Variants in CWF19L2 observed in about 807,000 individuals in gnomAD.
The protein encoded by CWF19L2 is CWF19 like cell cycle control factor 2.
A neutral mutation model predicts 111.7 loss-of-function variants in CWF19L2; 98 were observed. The observed-to-expected ratio is 0.88, with a 90% confidence interval of 0.75 to 1.04. CWF19L2 has a LOEUF of 1.04. Among genes scored for constraint, CWF19L2 ranks in the 50% least tolerant of loss-of-function variants. CWF19L2 has a pLI of 0.00. For synonymous variants in CWF19L2, 351 were observed against 342.9 expected, an observed-to-expected ratio of 1.02 and a Z score of -0.26; for missense variants, 1,101 against 1,051.4, an observed-to-expected ratio of 1.05 and a Z score of -0.65.
rs535642963 is a variant in CWF19L2 at position 107,387,176 on chromosome 11, CA to C, written c.1872+2897del. 1.5e-3 allele frequency among the ~76,000 whole-genome samples: 235 copies of C among 152,202 alleles called. 1 individual carries two copies. The highest frequency in any genetic ancestry group is 5.2e-3 in the African/African-American group (215 of 41,528). ...CATTTCATACTTCACACATCCATAA[CA>C]GTATTCTTGATTTCCCACTCCCCCA... On this transcript the variant is annotated intron_variant, in intron 12 of 17. Coordinates refer to ENST00000282251, the MANE Select transcript of CWF19L2 (RefSeq NM_152434.3).
Position 107,336,713 on chromosome 11 carries a change from T to C in CWF19L2, c.2203A>G (p.Met735Val), listed in dbSNP as rs1415134825. Residue 735 changes from methionine to valine, a missense_variant and splice_region_variant, in exon 15 of 18, where the codon ATG becomes GTG. By Grantham distance (21) the Met-to-Val change is conservative. Coordinates refer to ENST00000282251, the MANE Select transcript of CWF19L2 (RefSeq NM_152434.3). ...LDEDIWEEIQ[M>V]FRKSLVKMFE... The stretch of plus-strand genomic sequence containing the variant: ...ATCTTTACCAATGATTTTCTGAACA[T>C]CTAAAAAAAAAAAAGAACTAGGTAA... 4 of 1,389,712 alleles carry C rather than the reference T, an allele frequency of 2.9e-6. No homozygotes were observed. Among genetic ancestry groups the C allele is most frequent in the Admixed American group, 6.3e-5 (2 of 31,992 alleles). 86.1% of individuals were successfully genotyped at this position (1,389,712 alleles called of 1,614,324 possible). A position where few individuals can be genotyped will look rare whatever the true frequency, so the allele number is the denominator to read the frequency against.
intron 12 of CWF19L2, among the ~76,000 whole-genome samples, chr11:107,369,279 A>G (rs144006199): frequency 1.5e-5 from 2 of 137,850 alleles, no homozygotes; most frequent in East Asian, 4.2e-4. Flanking sequence ...TGCTTTTATT[A>G]TATTTCTTTT....
intron 12 of CWF19L2, among the ~76,000 whole-genome samples, chr11:107,356,630 C>G (rs670949): frequency 0.37 from 55,497 of 151,978 alleles, 11,820 homozygotes; most frequent in African/African-American, 0.58. Context: ...TAAAAAATAT[C>G]AGAACTGGTC....
At chr11:107,425,907 G>A (rs1353448345) in intron 8 of CWF19L2, among the ~76,000 whole-genome samples, 2 of 151,582 alleles carry the variant, frequency 1.3e-5, no homozygotes, top group African/African-American at 4.8e-5. Context: ...TTAAATTCCT[G>A]GAAATACTTA....
chr11:107,327,041 C>A lies in CWF19L2; in HGVS notation c.2554G>T (p.Gly852Trp). ...AGTCTTGGTTCTATATCCAGCATCC[C>A]ACCTATGATTTCCTTTTAAAGAAAG... is the stretch of plus-strand genomic sequence containing the variant. ...PHYFGKEIIG[G>W]MLDIEPRLWR... is the part of the protein sequence containing the mutation. Residue 852 changes from glycine (G) to tryptophan (W), a missense_variant, in exon 18 of 18, where the codon GGG becomes TGG. Transcript: ENST00000282251. 3.8e-6 allele frequency: 6 copies of A among 1,595,940 alleles called. No homozygotes were observed. The highest frequency in any genetic ancestry group is 5.1e-6 in the Non-Finnish European group (6 of 1,174,146).
intron 3 of CWF19L2, among the ~76,000 whole-genome samples, chr11:107,446,971 T>G (rs1261121107): frequency 6.6e-6 from 1 of 152,150 alleles, no homozygotes; most frequent in African/African-American, 2.4e-5. Context: ...CCTTCTCTTG[T>G]GCAGCCTGCA....
intron 12 of CWF19L2, among the ~76,000 whole-genome samples, chr11:107,387,898 C>G (rs1184322592): frequency 6.6e-6 from 1 of 152,182 alleles, no homozygotes; most frequent in Non-Finnish European, 1.5e-5. Flanking sequence ...TATGGGCCCC[C>G]TGCCTTACGT....
chr11:107,407,527 C>T (rs1376127836), intron 10 of CWF19L2, among the ~76,000 whole-genome samples: 1 of 151,846 alleles, frequency 6.6e-6, no homozygotes, highest in Non-Finnish European at 1.5e-5. Context: ...TTTCATTTTT[C>T]CCTTAAATTT....
chr11:107,414,771 C>A (rs1013029540), intron 10 of CWF19L2, among the ~76,000 whole-genome samples: 3 of 152,044 alleles, frequency 2.0e-5, no homozygotes, highest in Non-Finnish European at 4.4e-5. Flanking sequence ...CCACCCCCCA[C>A]CTAAACCACC....
At chr11:107,440,406 A>G (rs1247156533) in intron 5 of CWF19L2, among the ~76,000 whole-genome samples, 2 of 152,204 alleles carry the variant, frequency 1.3e-5, no homozygotes, top group African/African-American at 4.8e-5. Context: ...AAAGGACAAA[A>G]TTTAAGTTAA....
At position 107,442,948 on chromosome 11, in the gene CWF19L2, T is replaced by G. The variant is rs186972509; in HGVS notation, c.441A>C (p.Gln147His). 3.9e-6 allele frequency: 6 copies of G among 1,545,396 alleles called. No individual in the cohort carries two copies. Among genetic ancestry groups the G allele is most frequent in the Middle Eastern group, 1.7e-4 (1 of 5,988 alleles). The change falls in exon 4 of 18, where the codon CAA (glutamine) becomes CAC (histidine). Residue 147 changes from glutamine (Q) to histidine (H), a missense_variant. Physicochemically the swap from Gln to His is conservative, Grantham distance 24. Coordinates refer to ENST00000282251, the MANE Select transcript of CWF19L2 (RefSeq NM_152434.3). Reference protein sequence around the residue: ...KDEKSGKDDTQIIKRDEWMTV... With the variant: ...KDEKSGKDDTHIIKRDEWMTV... The stretch of plus-strand genomic sequence containing the variant: ...CAAGTGGCTTGCTTACCTTGATAAT[T>G]TGGGTGTCATCTTTTCCTGACTTTT...
At chr11:107,335,024 A>G (rs1859902288) in intron 15 of CWF19L2, 63 bp from the exon 16 acceptor site, 1 of 965,064 alleles carries the variant, frequency 1.0e-6, no homozygotes, top group South Asian at 1.4e-5. Context: ...GAAACAGCTT[A>G]TAACAAGTAA....
Position 107,440,107 on chromosome 11 carries a change from G to A in CWF19L2, c.571-924C>T, listed in dbSNP as rs576578372. Reference sequence around the variant, plus strand: ...TAAATAAATTATGGTCTAGAGAAGGGGGAAAGACAATCAAGCAATATAAAT... The same window carrying A: ...TAAATAAATTATGGTCTAGAGAAGGAGGAAAGACAATCAAGCAATATAAAT... On this transcript the variant is annotated intron_variant, in intron 5 of 17. Coordinates refer to ENST00000282251, the MANE Select transcript of CWF19L2 (RefSeq NM_152434.3). 1.2e-4 allele frequency among the ~76,000 whole-genome samples: 18 copies of A among 152,204 alleles called. No individual in the cohort carries two copies. The South Asian group carries it at 3.5e-3, about 30-fold the overall frequency.
chr11:107,338,786 A>G (rs974228732), intron 14 of CWF19L2, among the ~76,000 whole-genome samples: 3 of 152,206 alleles, frequency 2.0e-5, no homozygotes, highest in Non-Finnish European at 4.4e-5. Flanking sequence ...TGCATGGTGT[A>G]TATGTACCAC....
chr11:107,327,169 T>C (rs1859774341), intron 17 of CWF19L2, 116 bp from the exon 18 acceptor site: 3 of 1,082,538 alleles, frequency 2.8e-6, no homozygotes. Context: ...CATGACAATG[T>C]TCAAGCATAA....
intron 8 of CWF19L2, among the ~76,000 whole-genome samples, chr11:107,424,455 T>TAAA (rs34856316): frequency 2.1e-5 from 3 of 146,140 alleles, no homozygotes; most frequent in South Asian, 4.3e-4. Flanking sequence ...CCTTTTATAA[T>TAAA]AAAAAAAAAA....
intron 12 of CWF19L2, among the ~76,000 whole-genome samples, chr11:107,387,172 A>G (rs1041945519): frequency 5.3e-5 from 8 of 152,050 alleles, no homozygotes; most frequent in South Asian, 2.1e-4. Flanking sequence ...TCACACATCC[A>G]TAACAGTATT....
chr11:107,399,203 C>T (rs1402565054), intron 10 of CWF19L2, among the ~76,000 whole-genome samples: 1 of 152,104 alleles, frequency 6.6e-6, no homozygotes, highest in Non-Finnish European at 1.5e-5. Context: ...AGAAAAGTAA[C>T]GGTACCTCAC....
chr11:107,341,708 C>T (rs1465034705), intron 14 of CWF19L2, among the ~76,000 whole-genome samples: 1 of 152,020 alleles, frequency 6.6e-6, no homozygotes, highest in Non-Finnish European at 1.5e-5. Flanking sequence ...CCAATGAAAC[C>T]ATCTGGGTTT....
Sources: gnomAD v4.1 joint callset for allele counts (sites outside exome capture counted in the v4.1 genomes callset) on GRCh38, gnomAD v4.1.1 for gene constraint, MANE v1.5 for transcripts, NCBI Gene and HGNC (gene_info 2026-07-23, HGNC 2026-07-21) for gene names.